The following WDR77 variants were observed in gnomAD, a reference collection of about 807,000 sequenced individuals.
The protein encoded by WDR77 is WD repeat domain 77.
In WDR77, 31 loss-of-function variants were observed where a neutral mutation model predicts 44.0. The observed-to-expected ratio is 0.70, with a 90% CI of 0.53 to 0.95. The LOEUF (loss-of-function observed/expected upper bound fraction) is 0.95, where lower values mean the gene tolerates loss of function less well. Among genes scored for constraint, WDR77 ranks in the 40% least tolerant of loss-of-function variants. The pLI is 0.00. For missense variants in WDR77, 390 were observed against 423.9 expected, an observed-to-expected ratio of 0.92 and a Z score of 0.70; for synonymous variants, 186 against 165.7, an observed-to-expected ratio of 1.12 and a Z score of -0.94.
intron 6 of WDR77, 62 bp downstream of exon 6, chr1:111,443,803 CAA>C: frequency 6.2e-7 from 1 of 1,611,194 alleles, no homozygotes; most frequent in Non-Finnish European, 8.5e-7. Context: ...TGACACTGGC[CAA>C]AGACAGTCTC....
At chr1:111,447,377 G>T in intron 3 of WDR77, 58 bp downstream of exon 3, 1 of 1,608,114 alleles carries the variant, frequency 6.2e-7, no homozygotes, top group Non-Finnish European at 8.5e-7. Context: ...AGGTTAACAG[G>T]ATAGGAAAGG....
chr1:111,449,047 C>T lies in WDR77; in HGVS notation c.115+8G>A. ...AAGGGAGCTCCCAGGCCCGGGATCT[C>T]GGCTCACCGGACCGGTACCGCGCAG... is the stretch of plus-strand genomic sequence containing the variant. On this transcript the variant is annotated splice_region_variant and intron_variant, in intron 1 of 9. Transcript: ENST00000235090. The T allele has an allele frequency of 6.3e-7, 1 of 1,577,112 alleles. No individual in the cohort carries two copies. The highest frequency in any genetic ancestry group is 1.2e-5 in the South Asian group (1 of 86,486).
Position 111,440,048 on chromosome 1 carries a change from T to C in WDR77, c.*1182A>G, listed in dbSNP as rs1050767846. On this transcript the variant is annotated 3_prime_UTR_variant, in exon 10 of 10. Coordinates refer to ENST00000235090, the MANE Select transcript of WDR77 (RefSeq NM_024102.4). ...GCAAAGCTCAAAAGTACATAATTGA[T>C]TATATTTACTTTCAATATAATCAGT... 1 of 152,630 alleles carries C rather than the reference T, an allele frequency of 6.6e-6. No homozygotes were observed. The highest frequency in any genetic ancestry group is 1.5e-5 in the Non-Finnish European group (1 of 68,046). The allele number at this position is 152,630 out of a possible 1,614,324, so 9.5% of individuals were successfully genotyped here.
intron 4 of WDR77, among the ~76,000 whole-genome samples, chr1:111,446,064 G>A (rs1057080841): frequency 3.9e-5 from 6 of 152,204 alleles, no homozygotes; most frequent in African/African-American, 1.2e-4. Context: ...AAGCCACTGC[G>A]CACAGCTGGG....
chr1:111,445,714 G>A (rs981361232), intron 4 of WDR77, among the ~76,000 whole-genome samples: 1 of 152,074 alleles, frequency 6.6e-6, no homozygotes, highest in African/African-American at 2.4e-5. Flanking sequence ...GCATTAACCA[G>A]GAAAGCACAT....
At chr1:111,448,143 T>TA (rs1371861036) in intron 2 of WDR77, among the ~76,000 whole-genome samples, 1 of 151,640 alleles carries the variant, frequency 6.6e-6, no homozygotes, top group East Asian at 1.9e-4. Context: ...ACTGGGACTT[T>TA]AAACTTCCAT....
intron 1 of WDR77, 97 bp downstream of exon 1, chr1:111,448,958 A>G: frequency 6.5e-7 from 1 of 1,538,752 alleles, no homozygotes; most frequent in Non-Finnish European, 8.7e-7. Flanking sequence ...GGGTCAGGAT[A>G]ACATGCAGGG....
intron 2 of WDR77, among the ~76,000 whole-genome samples, chr1:111,447,962 TAGTA>T (rs576336395): frequency 2.0e-5 from 3 of 152,240 alleles, no homozygotes; most frequent in South Asian, 2.1e-4. Flanking sequence ...ATTTGGACAC[TAGTA>T]AGTATTTGCT....
intron 4 of WDR77, 53 bp from the exon 5 acceptor site, chr1:111,444,177 T>C: frequency 1.3e-6 from 2 of 1,570,620 alleles, no homozygotes; most frequent in Non-Finnish European, 1.8e-6. Context: ...GAAGCATTAC[T>C]AGAGGGCCAG....
chr1:111,441,451 A>T, intron 9 of WDR77, 62 bp from the exon 10 acceptor site: 1 of 1,421,216 alleles, frequency 7.0e-7, no homozygotes, highest in Non-Finnish European at 9.3e-7. Context: ...TGGAGAAAAA[A>T]AGAGAACCCA....
chr1:111,444,608 T>C (rs529258100), intron 4 of WDR77, among the ~76,000 whole-genome samples: 1 of 152,310 alleles, frequency 6.6e-6, no homozygotes, highest in South Asian at 2.1e-4. Flanking sequence ...AAAGAACACA[T>C]ACCTGTCATT....
Sources: gnomAD v4.1 joint callset for allele counts (sites outside exome capture counted in the v4.1 genomes callset) on GRCh38, gnomAD v4.1.1 for gene constraint, MANE v1.5 for transcripts, NCBI Gene and HGNC (gene_info 2026-07-23, HGNC 2026-07-21) for gene names.